The following TRPM6 variants were observed in gnomAD, a reference collection of about 807,000 sequenced individuals.
TRPM6 encodes channel kinase 2.
TRPM6 carries 111 observed loss-of-function variants against 247.6 expected under a neutral mutation model. The ratio of observed to expected loss-of-function variants is 0.45; its 90% confidence interval spans 0.38 to 0.52. TRPM6 has a LOEUF of 0.52. Among genes scored for constraint, TRPM6 ranks in the 20% least tolerant of loss-of-function variants. TRPM6 has a pLI of 0.00. For missense variants in TRPM6, 2,126 were observed against 2,421.5 expected (o/e 0.88, Z 2.56); for synonymous variants, 892 against 853.8 (o/e 1.04, Z -0.78).
intron 31 of TRPM6, among the ~76,000 whole-genome samples, chr9:74,744,673 A>G (rs553050349): frequency 3.0e-4 from 46 of 152,370 alleles, no homozygotes; most frequent in African/African-American, 1.0e-3. Context: ...TACAAGGACT[A>G]TGTGTTGGGA....
intron 1 of TRPM6, among the ~76,000 whole-genome samples, chr9:74,877,748 G>T (rs1316467885): frequency 1.3e-5 from 2 of 152,168 alleles, no homozygotes; most frequent in African/African-American, 2.4e-5. Flanking sequence ...CCACCAGCTG[G>T]AGCCAAGCTA....
In TRPM6 at chr9:74,816,714, C is replaced by T; in HGVS notation, c.1263G>A (p.Val421=). 1 of 1,614,140 alleles carries T rather than the reference C, an allele frequency of 6.2e-7. No homozygotes were observed. The highest frequency in any genetic ancestry group is 1.1e-5 in the South Asian group (1 of 91,072). ...TTAGGATATGTTTCTTGGCAATGTC[C>T]ACCCTGTCCCAAGCCATTGCCAGAT... The part of the protein sequence containing the change: ...QLNLAMAWDR[V]DIAKKHILIY... The change falls in exon 11 of 39, where the codon GTG becomes GTA. Residue 421 remains valine (V), a synonymous_variant. Coordinates refer to ENST00000360774, the MANE Select transcript of TRPM6 (RefSeq NM_017662.5).
In TRPM6 at chr9:74,880,583, T is replaced by C. The variant is rs969375781; in HGVS notation, c.33+7241A>G. On this transcript the variant is annotated intron_variant, in intron 1 of 38. Coordinates refer to ENST00000360774, the MANE Select transcript of TRPM6 (RefSeq NM_017662.5). ...CACTGCCATCCAAGGATACTATTCC[T>C]AGCAATGTTATCCTTCATAAATAAA... Among the ~76,000 whole-genome samples, 25 of 152,274 alleles carry C rather than the reference T, an allele frequency of 1.6e-4. 1 individual carries two copies. Among genetic ancestry groups the C allele is most frequent in the African/African-American group, 5.8e-4 (24 of 41,556 alleles).
chr9:74,852,873 T>C (rs909181368), intron 3 of TRPM6, among the ~76,000 whole-genome samples: 1 of 152,102 alleles, frequency 6.6e-6, no homozygotes, highest in Non-Finnish European at 1.5e-5. Context: ...TGCTTTGGCC[T>C]CCCAAAGTGC....
intron 6 of TRPM6, among the ~76,000 whole-genome samples, chr9:74,833,007 C>T (rs563533753): frequency 1.5e-4 from 23 of 151,512 alleles, no homozygotes; most frequent in Middle Eastern, 3.4e-3. Context: ...GCCAAGACTG[C>T]GCCACTACAC....
chr9:74,724,700 A>G lies in TRPM6; in HGVS notation c.5982T>C (p.Phe1994=). Residue 1994 remains phenylalanine (F), a synonymous_variant, in exon 39 of 39, where the codon TTT becomes TTC. Coordinates refer to ENST00000360774, the MANE Select transcript of TRPM6 (RefSeq NM_017662.5). ...DYSPERINST[F]GLEIKIESAE... ...CTGATTCTATTTTTATCTCAAGTCC[A>G]AAGGTGGAATTTATCCTTTCAGGGG... is the stretch of plus-strand genomic sequence containing the variant. 1.2e-6 allele frequency: 2 copies of G among 1,614,130 alleles called. No individual in the cohort carries two copies. Among genetic ancestry groups the G allele is most frequent in the South Asian group, 1.1e-5 (1 of 91,082 alleles).
chr9:74,863,590 C>CT (rs201219309), intron 1 of TRPM6, among the ~76,000 whole-genome samples: 5 of 150,864 alleles, frequency 3.3e-5, no homozygotes, highest in East Asian at 2.0e-4. Flanking sequence ...AAAAAAGTGA[C>CT]TTTTTTTTTG....
intron 33 of TRPM6, 121 bp from the exon 34 acceptor site, chr9:74,740,130 T>A: frequency 2.7e-6 from 3 of 1,108,430 alleles, no homozygotes; most frequent in Non-Finnish European, 4.0e-6. Flanking sequence ...AGAATGGGAC[T>A]AGCAGGGAAC....
intron 3 of TRPM6, among the ~76,000 whole-genome samples, chr9:74,851,372 A>T (rs1205159095): frequency 6.6e-6 from 1 of 152,182 alleles, no homozygotes; most frequent in Non-Finnish European, 1.5e-5. Context: ...GTTAGAAACA[A>T]AGAATAAAAT....
At chr9:74,771,594 A>G in intron 25 of TRPM6, 109 bp downstream of exon 25, 1 of 1,057,684 alleles carries the variant, frequency 9.5e-7, no homozygotes, top group East Asian at 2.4e-5. Flanking sequence ...TTCAAATTAT[A>G]AAGAACTCAA....
chr9:74,835,260 T>C (rs1049456667), intron 5 of TRPM6, among the ~76,000 whole-genome samples: 57 of 152,320 alleles, frequency 3.7e-4, no homozygotes, highest in African/African-American at 1.3e-3. Context: ...TCATATCCTT[T>C]GCCCACTTTT....
At chr9:74,812,751 A>G (rs1828780386) in intron 11 of TRPM6, among the ~76,000 whole-genome samples, 1 of 151,998 alleles carries the variant, frequency 6.6e-6, no homozygotes, top group African/African-American at 2.4e-5. Flanking sequence ...TTAGCCAGGC[A>G]TAGTGGCATG....
rs779136612 is a variant in TRPM6 at position 74,739,819 on chromosome 9, C to G, written c.5391G>C (p.Pro1797=). 3 of 1,614,110 alleles carry G rather than the reference C, an allele frequency of 1.9e-6. No homozygotes were observed. The highest frequency in any genetic ancestry group is 2.5e-6 in the Non-Finnish European group (3 of 1,180,026). ...AGGACTTGACAATGAAAACTTGTCC[C>G]GGCTTGAGAATGTCATCCTCAGACC... is the stretch of plus-strand genomic sequence containing the variant. The part of the protein sequence containing the change: ...STWSEDDILK[P]GQVFIVKSFL... The change falls in exon 34 of 39, where the codon CCG becomes CCC. Residue 1797 remains proline, a synonymous_variant. Coordinates refer to ENST00000360774, the MANE Select transcript of TRPM6 (RefSeq NM_017662.5).
chr9:74,784,004 C>G (rs1042630304), intron 21 of TRPM6, among the ~76,000 whole-genome samples: 1 of 152,128 alleles, frequency 6.6e-6, no homozygotes, highest in Non-Finnish European at 1.5e-5. Context: ...GCCTGTAATC[C>G]CAGCACTTTG....
intron 3 of TRPM6, among the ~76,000 whole-genome samples, chr9:74,850,993 G>A (rs1830289597): frequency 6.6e-6 from 1 of 152,140 alleles, no homozygotes; most frequent in Non-Finnish European, 1.5e-5. Context: ...AACCTCATCT[G>A]GAGAGATAAC....
chr9:74,792,390 C>T (rs80149817), intron 19 of TRPM6, among the ~76,000 whole-genome samples: 26 of 152,282 alleles, frequency 1.7e-4, no homozygotes, highest in African/African-American at 6.0e-4. Flanking sequence ...ACTCTTAGCA[C>T]TCAAAGAGAG....
intron 12 of TRPM6, 80 bp from the exon 13 acceptor site, chr9:74,810,948 T>A: frequency 9.0e-7 from 1 of 1,111,878 alleles, no homozygotes; most frequent in Non-Finnish European, 1.4e-6. Flanking sequence ...TCAGAATGCA[T>A]AAGTAACTGA....
rs537468531 is a variant in TRPM6, at chr9:74,762,215, G to A, written c.4456C>T (p.Arg1486Trp). ...LPSTCDSDSSRSEQHQKQAQD... is the reference protein window; with the variant it reads ...LPSTCDSDSSWSEQHQKQAQD... ...GCCTGCTTCTGGTGCTGTTCACTCC[G>A]AGAGGAATCACTGTCACAAGTGGAG... is the stretch of plus-strand genomic sequence containing the variant. Residue 1486 changes from arginine (R) to tryptophan (W), a missense_variant, in exon 26 of 39, where the codon CGG becomes TGG. Arg to Trp is a moderately radical substitution (Grantham distance 101). Around this residue, in one of 3 missense-constraint regions of TRPM6, gnomAD observed 717 missense variants for 715.9 expected, o/e 1.00. Coordinates refer to ENST00000360774, the MANE Select transcript of TRPM6 (RefSeq NM_017662.5). The A allele has an allele frequency of 6.2e-6, 10 of 1,614,188 alleles. No individual in the cohort carries two copies. The highest frequency in any genetic ancestry group is 5.5e-5 in the South Asian group (5 of 91,082).
chr9:74,753,022 A>T (rs1406946004), intron 28 of TRPM6, among the ~76,000 whole-genome samples: 1 of 151,638 alleles, frequency 6.6e-6, no homozygotes, highest in African/African-American at 2.4e-5. Context: ...CTGAGGCAAG[A>T]GAATCGCTTG....
Sources: gnomAD v4.1 joint callset for allele counts (sites outside exome capture counted in the v4.1 genomes callset) on GRCh38, gnomAD v4.1.1 for gene constraint, gnomAD v4.1.1 regional missense constraint, MANE v1.5 for transcripts, NCBI Gene and HGNC (gene_info 2026-07-23, HGNC 2026-07-21) for gene names.